The following ADAM23 variants were observed in gnomAD, a reference collection of about 807,000 sequenced individuals.
ADAM23 encodes the protein ADAM metallopeptidase domain 23.
In ADAM23, 33 loss-of-function variants were observed where a neutral mutation model predicts 120.1. The ratio of observed to expected loss-of-function variants is 0.27; its 90% CI spans 0.21 to 0.37. ADAM23 has a LOEUF of 0.37. ADAM23 is among the 10% of genes least tolerant of loss of function. ADAM23 has a pLI of 1.00. For synonymous variants in ADAM23, 367 were observed against 375.2 expected, an observed-to-expected ratio of 0.98 and a Z score of 0.25; for missense variants, 862 against 1,058.2, an observed-to-expected ratio of 0.81 and a Z score of 2.57.
In ADAM23 at chr2:206,514,261, C is replaced by T. The variant is rs1288117477; in HGVS notation, c.510-16624C>T. Among the ~76,000 whole-genome samples, 4 of 152,120 alleles carry T rather than the reference C, an allele frequency of 2.6e-5. No individual in the cohort carries two copies. In the East Asian group the frequency reaches 7.7e-4, roughly 29 times the overall value. ...TAGAAAACCTTCTGGAAAGGATTAA[C>T]CATTCTGGATTCCATTAAGAACATT... is the stretch of plus-strand genomic sequence containing the variant. On this transcript the variant is annotated intron_variant, in intron 3 of 25. Coordinates refer to ENST00000264377, the MANE Select transcript of ADAM23 (RefSeq NM_003812.4).
At chr2:206,526,588 G>T (rs1696952807) in intron 3 of ADAM23, among the ~76,000 whole-genome samples, 1 of 152,058 alleles carries the variant, frequency 6.6e-6, no homozygotes, top group Admixed American at 6.6e-5. Flanking sequence ...AATCCTGCAG[G>T]GATTTTAGTG....
At chr2:206,539,575 C>T (rs1296633668) in intron 4 of ADAM23, among the ~76,000 whole-genome samples, 1 of 152,184 alleles carries the variant, frequency 6.6e-6, no homozygotes, top group Non-Finnish European at 1.5e-5. Flanking sequence ...AGACAGCAGT[C>T]ACTGTGAGGT....
intron 8 of ADAM23, among the ~76,000 whole-genome samples, chr2:206,549,443 A>G (rs1697466900): frequency 6.6e-6 from 1 of 151,972 alleles, no homozygotes; most frequent in East Asian, 1.9e-4. Context: ...TTTTCCAACT[A>G]TGAAAAAGAA....
chr2:206,555,490 G>A (rs1210343644), intron 9 of ADAM23, among the ~76,000 whole-genome samples: 1 of 152,014 alleles, frequency 6.6e-6, no homozygotes, highest in Non-Finnish European at 1.5e-5. Flanking sequence ...TTCCCAACAG[G>A]TATCTCTGTT....
intron 2 of ADAM23, among the ~76,000 whole-genome samples, chr2:206,480,025 A>AGAGTCATTAATC (rs1491430593): frequency 1.3e-5 from 2 of 152,154 alleles, no homozygotes; most frequent in Non-Finnish European, 2.9e-5. Flanking sequence ...ATGCTGGGGA[A>AGAGTCATTAATC]GAGTCATTAA....
intron 2 of ADAM23, among the ~76,000 whole-genome samples, chr2:206,462,262 C>A (rs1228816470): frequency 1.3e-5 from 2 of 152,152 alleles, no homozygotes; most frequent in Non-Finnish European, 2.9e-5. Flanking sequence ...GGTATATTTA[C>A]TTACATGGTC....
intron 3 of ADAM23, among the ~76,000 whole-genome samples, chr2:206,513,080 A>G (rs1054017131): frequency 2.6e-5 from 4 of 152,020 alleles, no homozygotes; most frequent in Non-Finnish European, 5.9e-5. Context: ...TCCTTATTCC[A>G]TGAAACACAA....
rs1352394563 is a variant in ADAM23 at position 206,513,664 on chromosome 2, T to C, written c.510-17221T>C. Among the ~76,000 whole-genome samples, 3 of 152,202 alleles carry C rather than the reference T, an allele frequency of 2.0e-5. No individual in the cohort carries two copies. In the East Asian group the frequency reaches 5.8e-4, roughly 29 times the overall value. On this transcript the variant is annotated intron_variant, in intron 3 of 25. Transcript: ENST00000264377. ...AGTGGCTACACTAAACAACAGATTT[T>C]CAATGTAGATGAAACAGCCTTCCTA...
chr2:206,513,495 A>G (rs771528207), intron 3 of ADAM23, among the ~76,000 whole-genome samples: 3 of 152,208 alleles, frequency 2.0e-5, no homozygotes, highest in Admixed American at 1.3e-4. Context: ...TGCAGAAGAA[A>G]AGTTTGAAGC....
chr2:206,581,985 C>G (rs1235561860), intron 18 of ADAM23, among the ~76,000 whole-genome samples: 1 of 152,154 alleles, frequency 6.6e-6, no homozygotes, highest in African/African-American at 2.4e-5. Flanking sequence ...TCAAGTGATT[C>G]TCCTGCCTCA....
chr2:206,611,425 C>T (rs1698825274), intron 25 of ADAM23, among the ~76,000 whole-genome samples: 1 of 150,400 alleles, frequency 6.6e-6, no homozygotes, highest in Non-Finnish European at 1.5e-5. Context: ...GGACCTAATT[C>T]AAGCAAAACT....
intron 2 of ADAM23, among the ~76,000 whole-genome samples, chr2:206,479,055 G>C (rs1695841514): frequency 1.3e-5 from 2 of 152,116 alleles, no homozygotes; most frequent in South Asian, 4.1e-4. Flanking sequence ...ATGCAAAGCA[G>C]GACTTAATAT....
chr2:206,498,067 C>A (rs1010591600), intron 3 of ADAM23, among the ~76,000 whole-genome samples: 1 of 151,968 alleles, frequency 6.6e-6, no homozygotes, highest in Non-Finnish European at 1.5e-5. Context: ...TGAAAATGGC[C>A]ATACTGCCCA....
chr2:206,528,099 G>C (rs1313782858), intron 3 of ADAM23, among the ~76,000 whole-genome samples: 3 of 152,184 alleles, frequency 2.0e-5, no homozygotes, highest in Non-Finnish European at 4.4e-5. Flanking sequence ...CCAACTCTTA[G>C]ATGTGCTCCA....
At position 206,588,104 on chromosome 2, in the gene ADAM23, A is replaced by G. The variant is rs757037417; in HGVS notation, c.1802A>G (p.Asn601Ser). The G allele has an allele frequency of 6.2e-6, 10 of 1,614,008 alleles. No homozygotes were observed. The highest frequency in any genetic ancestry group is 1.1e-5 in the South Asian group (1 of 91,088). ...ACNQNQGRCY[N>S]GECKTRDNQC... The stretch of plus-strand genomic sequence containing the variant: ...TCCTGTCCCCAGGGCCGCTGCTACA[A>G]TGGCGAGTGCAAGACCAGAGACAAC... The change falls in exon 20 of 26, where the codon AAT becomes AGT. Residue 601 changes from asparagine (N) to serine (S), a missense_variant. By Grantham distance (46) the Asn-to-Ser change is conservative (BLOSUM62 1). Transcript: ENST00000264377.
chr2:206,547,569 A>G lies in ADAM23; in HGVS notation c.793+68A>G, dbSNP rs953717521. 5 of 1,342,886 alleles carry G rather than the reference A, an allele frequency of 3.7e-6. No homozygotes were observed. The African/African-American group carries it at 7.4e-5, about 20-fold the overall frequency. 83.2% of individuals were successfully genotyped at this position (1,342,886 alleles called of 1,614,324 possible). A position where few individuals can be genotyped will look rare whatever the true frequency, so the allele number is the denominator to read the frequency against. ...GAGCTTTTATCTGGTGGAGCTCAGT[A>G]GATATGCAGGCTTGTTGGAAGTGGA... On this transcript the variant is annotated intron_variant, in intron 7 of 25. Coordinates refer to ENST00000264377, the MANE Select transcript of ADAM23 (RefSeq NM_003812.4).
At chr2:206,507,213 G>T (rs758851071) in intron 3 of ADAM23, among the ~76,000 whole-genome samples, 2 of 152,080 alleles carry the variant, frequency 1.3e-5, no homozygotes, top group Non-Finnish European at 2.9e-5. Context: ...AGGTGATATG[G>T]TTTGGATCTG....
intron 6 of ADAM23, among the ~76,000 whole-genome samples, chr2:206,546,717 C>T (rs1697406268): frequency 1.3e-5 from 2 of 152,032 alleles, no homozygotes; most frequent in Non-Finnish European, 2.9e-5. Flanking sequence ...GATGTATCTC[C>T]CTGAGCCTCA....
At chr2:206,596,652 A>G (rs1698531798) in intron 24 of ADAM23, among the ~76,000 whole-genome samples, 1 of 152,232 alleles carries the variant, frequency 6.6e-6, no homozygotes, top group Non-Finnish European at 1.5e-5. Flanking sequence ...CTTCAAAGAA[A>G]ATGTGAGAGA....
Sources: gnomAD v4.1 joint callset for allele counts (sites outside exome capture counted in the v4.1 genomes callset) on GRCh38, gnomAD v4.1.1 for gene constraint, MANE v1.5 for transcripts, NCBI Gene and HGNC (gene_info 2026-07-23, HGNC 2026-07-21) for gene names.